Variants in SPIRE2 observed in about 807,000 individuals in gnomAD.
SPIRE2 encodes protein spire homolog 2.
A neutral mutation model predicts 80.7 loss-of-function variants in SPIRE2; 76 were observed. The observed-to-expected ratio is 0.94, with a 90% confidence interval of 0.78 to 1.14. The LOEUF is 1.14. Ranked by LOEUF, SPIRE2 falls within the 50% of genes most tolerant of loss-of-function variation. SPIRE2 has a pLI of 0.00. For missense variants in SPIRE2, 1,196 were observed against 1,015.3 expected (o/e 1.18, Z -2.42); for synonymous variants, 535 against 432.6 (o/e 1.24, Z -2.94).
At chr16:89,839,390 C>A (rs1302844722) in intron 1 of SPIRE2, among the ~76,000 whole-genome samples, 2 of 114,820 alleles carry the variant, frequency 1.7e-5, no homozygotes, top group Admixed American at 8.5e-5. Flanking sequence ...AAAAAAAAAA[C>A]TGTTAGGGAT....
At chr16:89,854,091 G>A (rs1260557297) in intron 3 of SPIRE2, among the ~76,000 whole-genome samples, 195 bp from the exon 4 acceptor site, 5 of 152,260 alleles carry the variant, frequency 3.3e-5, no homozygotes, top group South Asian at 2.1e-4. Context: ...ACCTGTGTCC[G>A]CCGCCTGTGG....
chr16:89,845,768 A>C, intron 2 of SPIRE2: 2 of 605,466 alleles, frequency 3.3e-6, no homozygotes, highest in Non-Finnish European at 3.0e-6. Context: ...CCAAAACTGG[A>C]ACCTCACCGC....
chr16:89,836,202 T>A, intron 1 of SPIRE2: 1 of 455,856 alleles, frequency 2.2e-6, no homozygotes, highest in South Asian at 1.5e-5. Context: ...AAACATAGGT[T>A]ATTCTCTTAC....
At position 89,856,611 on chromosome 16, in the gene SPIRE2, A is replaced by AT. The variant is rs34234430; in HGVS notation, c.1102+395dup. 1.6e-3 allele frequency among the ~76,000 whole-genome samples: 196 copies of AT among 122,686 alleles called. 1 individual carries two copies. The highest frequency in any genetic ancestry group is 4.0e-3 in the Middle Eastern group (1 of 248). The allele number at this position is 122,686 out of a possible 152,430, so 80.5% of individuals were successfully genotyped here. A position where few individuals can be genotyped will look rare whatever the true frequency, so the allele number is the denominator to read the frequency against. On this transcript the variant is annotated intron_variant, in intron 7 of 14. Coordinates refer to ENST00000378247, the MANE Select transcript of SPIRE2 (RefSeq NM_032451.2). ...AGGCACGTGCCACCACGCCTGGCTA[A>AT]TTTTTTTTTTTTTTTTTTTTGTAGT...
chr16:89,863,956 AT>A lies in SPIRE2; in HGVS notation c.1778+96del. The A allele has an allele frequency of 5.8e-6, 5 of 860,024 alleles. No homozygotes were observed. The highest frequency in any genetic ancestry group is 7.5e-6 in the Non-Finnish European group (4 of 535,616). The allele number at this position is 860,024 out of a possible 1,614,324, so 53.3% of individuals were successfully genotyped here. On this transcript the variant is annotated intron_variant, in intron 12 of 14. Coordinates refer to ENST00000378247, the MANE Select transcript of SPIRE2 (RefSeq NM_032451.2). This position sits in a 1 kb window ranked among gnomAD's most constrained non-coding sequence, Gnocchi z 4.3. ...CACAGAACTTCCTGTGATTCCAGGAATGTTCTAGCATGTTCGATGGCTGATG... is the reference window on the plus strand; with the variant it reads ...CACAGAACTTCCTGTGATTCCAGGAAGTTCTAGCATGTTCGATGGCTGATG...
intron 12 of SPIRE2, among the ~76,000 whole-genome samples, chr16:89,867,053 A>G (rs1597225840): frequency 6.6e-6 from 1 of 152,024 alleles, no homozygotes; most frequent in African/African-American, 2.4e-5. Context: ...TCAGGTACAC[A>G]CCAATGTCTA....
Position 89,828,988 on chromosome 16 carries a change from C to T in SPIRE2, c.244+194C>T, listed in dbSNP as rs2041353641. Reference sequence around the variant, plus strand: ...CTCTCTCTTTCCTCCCTCCTTCTCTCCCTCCTTCCTCTCCCTCCCCGGCCC... The same window carrying T: ...CTCTCTCTTTCCTCCCTCCTTCTCTTCCTCCTTCCTCTCCCTCCCCGGCCC... On this transcript the variant is annotated intron_variant, in intron 1 of 14. Coordinates refer to ENST00000378247, the MANE Select transcript of SPIRE2 (RefSeq NM_032451.2). This position sits in a 1 kb window ranked among gnomAD's most constrained non-coding sequence, Gnocchi z 5.9. 6.6e-6 allele frequency among the ~76,000 whole-genome samples: 1 copy of T among 152,158 alleles called. No homozygotes were observed. Among genetic ancestry groups the T allele is most frequent in the South Asian group, 2.1e-4 (1 of 4,832 alleles).
rs774188561 is a variant in SPIRE2, at chr16:89,860,809, C to T, written c.1575+14C>T. 6.8e-5 allele frequency: 99 copies of T among 1,448,996 alleles called. No homozygotes were observed. Among genetic ancestry groups the T allele is most frequent in the Non-Finnish European group, 8.4e-5 (92 of 1,094,168 alleles). The allele number at this position is 1,448,996 out of a possible 1,614,324, so 89.8% of individuals were successfully genotyped here. On this transcript the variant is annotated intron_variant, in intron 10 of 14. Coordinates refer to ENST00000378247, the MANE Select transcript of SPIRE2 (RefSeq NM_032451.2). Reference sequence around the variant, plus strand: ...CACCTGTGGCTGGTGAGTGAGGGTGCGATTGTCGTCCAGGGCGGCCCAGGG... The same window carrying T: ...CACCTGTGGCTGGTGAGTGAGGGTGTGATTGTCGTCCAGGGCGGCCCAGGG...
chr16:89,844,748 A>G (rs930118366), intron 1 of SPIRE2, among the ~76,000 whole-genome samples: 1 of 152,072 alleles, frequency 6.6e-6, no homozygotes, highest in Admixed American at 6.6e-5. Context: ...CTCCCAAAGT[A>G]ATTTTAAAAT....
At chr16:89,866,670 AC>A (rs1244125267) in intron 12 of SPIRE2, among the ~76,000 whole-genome samples, 11 of 144,684 alleles carry the variant, frequency 7.6e-5, no homozygotes, top group Non-Finnish European at 1.4e-4. Context: ...GTGCAGTGGC[AC>A]AATCTCGGCT....
At chr16:89,847,615 C>T (rs1436699306) in intron 2 of SPIRE2, among the ~76,000 whole-genome samples, 5 of 152,196 alleles carry the variant, frequency 3.3e-5, no homozygotes, top group Admixed American at 2.6e-4. Flanking sequence ...AGTTCCTTAA[C>T]GTCTCGCTCC....
chr16:89,856,858 C>T (rs549874901), intron 7 of SPIRE2, among the ~76,000 whole-genome samples: 11 of 151,832 alleles, frequency 7.2e-5, no homozygotes, highest in South Asian at 2.1e-4. Context: ...CCCAGGAGAT[C>T]GAGACCAGCC....
intron 1 of SPIRE2, among the ~76,000 whole-genome samples, chr16:89,839,245 G>A (rs1375690102): frequency 6.6e-6 from 1 of 152,056 alleles, no homozygotes. Context: ...GTGGTGGCGG[G>A]CGCCTGTAGT....
chr16:89,868,680 C>T (rs575369724), intron 13 of SPIRE2, among the ~76,000 whole-genome samples: 5 of 152,078 alleles, frequency 3.3e-5, no homozygotes, highest in African/African-American at 1.2e-4. Flanking sequence ...TGGTGAAACC[C>T]CATCTCTACT....
rs541607468 is a variant in SPIRE2, at chr16:89,833,757, A to AC, written c.244+4964dup. On this transcript the variant is annotated intron_variant, in intron 1 of 14. Coordinates refer to ENST00000378247, the MANE Select transcript of SPIRE2 (RefSeq NM_032451.2). ...CGCTGGACCTGCCTTGGGGAGCAGC[A>AC]CGTGTGGGTCCAGGCTGCGAATCCC... Among the ~76,000 whole-genome samples the AC allele has an allele frequency of 4.0e-4, 61 of 152,312 alleles. No individual in the cohort carries two copies. The South Asian group carries it at 0.012, about 31-fold the overall frequency.
chr16:89,861,332 T>C (rs2041742879), intron 10 of SPIRE2, among the ~76,000 whole-genome samples: 1 of 152,078 alleles, frequency 6.6e-6, no homozygotes, highest in South Asian at 2.1e-4. Flanking sequence ...AGCATGCAGG[T>C]GTTGGAGGGA....
At chr16:89,844,050 C>T (rs2041533684) in intron 1 of SPIRE2, among the ~76,000 whole-genome samples, 1 of 150,644 alleles carries the variant, frequency 6.6e-6, no homozygotes, top group Non-Finnish European at 1.5e-5. Context: ...GGCTGGTGTG[C>T]ACTGGTGCAA....
rs765753918 is a variant in SPIRE2, at chr16:89,850,441, C to T, written c.426C>T (p.Cys142=). 7.0e-6 allele frequency: 11 copies of T among 1,565,572 alleles called. No individual in the cohort carries two copies. In the South Asian group the frequency reaches 1.1e-4, roughly 15 times the overall value. ...MANNDSEDSG[C]GAADEGYGGP... is the part of the protein sequence containing the mutation. ...ACAACGACAGCGAGGACAGCGGCTG[C>T]GGTGCCGCCGATGAGGGCTACGGGG... The change falls in exon 3 of 15, where the codon TGC becomes TGT. Residue 142 remains cysteine (C), a synonymous_variant. Coordinates refer to ENST00000378247, the MANE Select transcript of SPIRE2 (RefSeq NM_032451.2).
chr16:89,855,300 C>G (rs977168624), intron 5 of SPIRE2, among the ~76,000 whole-genome samples: 1 of 152,142 alleles, frequency 6.6e-6, no homozygotes. Context: ...CGGCATGGTT[C>G]TTATGATGCC....
Sources: allele counts gnomAD v4.1 joint callset (sites outside exome capture counted in the v4.1 genomes callset), GRCh38; gene constraint gnomAD v4.1.1; non-coding constraint Gnocchi (gnomAD v3.1); transcripts MANE v1.5; gene names NCBI Gene and HGNC (gene_info 2026-07-23, HGNC 2026-07-21).